Variants in FXN observed in about 807,000 individuals in gnomAD.
The protein encoded by FXN is frataxin.
Under a neutral mutation model 22.4 loss-of-function variants are expected in FXN, and 14 were observed. The observed-to-expected ratio is 0.62, with a 90% CI of 0.41 to 0.98. FXN has a LOEUF of 0.98. FXN is among the 50% of genes least tolerant of loss of function. The pLI is 0.00. For synonymous variants in FXN, 120 were observed against 114.1 expected (o/e 1.05, Z -0.33); for missense variants, 267 against 268.4 (o/e 0.99, Z 0.04).
At chr9:69,042,001 G>C (rs1333828014) in intron 1 of FXN, among the ~76,000 whole-genome samples, 1 of 152,096 alleles carries the variant, frequency 6.6e-6, no homozygotes, top group Non-Finnish European at 1.5e-5. Context: ...CCAGCACTTT[G>C]GGAGGCCAAG....
rs150667446 is a variant in FXN at position 69,066,167 on chromosome 9, C to T, written c.482+1132C>T. Among the ~76,000 whole-genome samples, 44 of 152,270 alleles carry T rather than the reference C, an allele frequency of 2.9e-4. No individual in the cohort carries two copies. In the East Asian group the frequency reaches 8.3e-3, roughly 29 times the overall value. ...AATGCCCACAAAACGTTCTCAGATC[C>T]AGTCATTCATTAGCACTTCCAAAGA... On this transcript the variant is annotated intron_variant, in intron 4 of 4. Transcript: ENST00000484259.
At chr9:69,042,147 A>C (rs1831668500) in intron 1 of FXN, among the ~76,000 whole-genome samples, 1 of 151,904 alleles carries the variant, frequency 6.6e-6, no homozygotes, top group Non-Finnish European at 1.5e-5. Context: ...CTGAGGCAGG[A>C]GAATCACTTG....
chr9:69,053,468 C>A (rs1157673142), intron 3 of FXN, among the ~76,000 whole-genome samples: 1 of 105,380 alleles, frequency 9.5e-6, no homozygotes, highest in African/African-American at 3.5e-5. Context: ...GAGACTCTGT[C>A]ATAGATGGAT....
Position 69,078,700 on chromosome 9 carries a change from T to C in FXN, c.*5938T>C. The C allele has an allele frequency of 1.0e-6, 1 of 985,620 alleles. No homozygotes were observed. The highest frequency in any genetic ancestry group is 1.2e-6 in the Non-Finnish European group (1 of 829,974). The allele number at this position is 985,620 out of a possible 1,614,324, so 61.1% of individuals were successfully genotyped here. On this transcript the variant is annotated 3_prime_UTR_variant, in exon 5 of 5. Coordinates refer to ENST00000484259, the MANE Select transcript of FXN (RefSeq NM_000144.5). Reference sequence around the variant, plus strand: ...GTGCTGTGCTATTTTCACGTGGCTCTCAGACTTGGCCAGTGCTGTTTCCAT... The same window carrying C: ...GTGCTGTGCTATTTTCACGTGGCTCCCAGACTTGGCCAGTGCTGTTTCCAT...
intron 1 of FXN, among the ~76,000 whole-genome samples, chr9:69,044,158 A>T (rs993019859): frequency 2.0e-5 from 3 of 152,188 alleles, no homozygotes; most frequent in Non-Finnish European, 2.9e-5. Context: ...TTTCTCCTAT[A>T]AATAATTTGC....
At chr9:69,065,540 C>A (rs377054064) in intron 4 of FXN, among the ~76,000 whole-genome samples, 59 of 140,728 alleles carry the variant, frequency 4.2e-4, no homozygotes, top group African/African-American at 4.2e-4. Context: ...GACCCTGTCC[C>A]AAAAAAAAAA....
chr9:69,053,118 G>A, intron 2 of FXN, 22 bp from the exon 3 acceptor site: 1 of 1,612,512 alleles, frequency 6.2e-7, no homozygotes, highest in Non-Finnish European at 8.5e-7. Context: ...ATCATGTTTT[G>A]GGTTTTGTGC....
intron 3 of FXN, among the ~76,000 whole-genome samples, chr9:69,060,629 A>C (rs907621815): frequency 6.6e-6 from 1 of 152,174 alleles, no homozygotes. Flanking sequence ...TCCTGTCACC[A>C]CTTTCCTTCC....
At chr9:69,038,793 C>A (rs1415118503) in intron 1 of FXN, among the ~76,000 whole-genome samples, 2 of 151,678 alleles carry the variant, frequency 1.3e-5, no homozygotes, top group African/African-American at 4.8e-5. Flanking sequence ...CTGTGACATA[C>A]AAAAAAAATC....
At chr9:69,050,784 CTT>C (rs199872351) in intron 2 of FXN, among the ~76,000 whole-genome samples, 3 of 146,106 alleles carry the variant, frequency 2.1e-5, no homozygotes, top group Non-Finnish European at 3.0e-5. Flanking sequence ...TTGGCCAACT[CTT>C]TTTTTTTTTT....
Position 69,049,253 on chromosome 9 carries a change from A to G in FXN, c.263+2771A>G, listed in dbSNP as rs559181286. Among the ~76,000 whole-genome samples the G allele has an allele frequency of 3.2e-4, 49 of 152,062 alleles. No individual in the cohort carries two copies. In the South Asian group the frequency reaches 9.2e-3, roughly 28 times the overall value. ...GTCGGTTGTGTCCTTACGTTTCTCA[A>G]ATTCTTCAAGACACGTCAACCAGCC... On this transcript the variant is annotated intron_variant, in intron 2 of 4. Transcript: ENST00000484259.
At chr9:69,059,418 T>TTTTTTTG (rs1491555765) in intron 3 of FXN, among the ~76,000 whole-genome samples, 2 of 145,356 alleles carry the variant, frequency 1.4e-5, no homozygotes, top group Non-Finnish European at 3.0e-5. Flanking sequence ...TTTTTTTTTT[T>TTTTTTTG]GAGAGAGATC....
chr9:69,037,521 G>C (rs1465480255), intron 1 of FXN, among the ~76,000 whole-genome samples: 1 of 152,096 alleles, frequency 6.6e-6, no homozygotes, highest in East Asian at 1.9e-4. Flanking sequence ...CAGCATCTCT[G>C]GAAAAATAGG....
chr9:69,043,415 TTTG>T (rs879003192), intron 1 of FXN: 20 of 152,268 alleles, frequency 1.3e-4, no homozygotes, highest in East Asian at 1.9e-4. Flanking sequence ...GATCAATTAA[TTTG>T]TTGTTGTTGT....
rs1042134737 is a variant in FXN, at chr9:69,079,013, CAAAT to C, written c.*6256_*6259del. 14 of 871,348 alleles carry C rather than the reference CAAAT, an allele frequency of 1.6e-5. No homozygotes were observed. The African/African-American group carries it at 2.2e-4, about 14-fold the overall frequency. 54.0% of individuals were successfully genotyped at this position (871,348 alleles called of 1,614,324 possible). On this transcript the variant is annotated 3_prime_UTR_variant, in exon 5 of 5. Coordinates refer to ENST00000484259, the MANE Select transcript of FXN (RefSeq NM_000144.5). ...CACACAATTAGAGCTCTATAAATGTCAAATAAATGTGTTATAATTATATGTTTAA... is the reference window on the plus strand; with the variant it reads ...CACACAATTAGAGCTCTATAAATGTCAAATGTGTTATAATTATATGTTTAA...
intron 4 of FXN, among the ~76,000 whole-genome samples, chr9:69,070,085 C>T (rs1191741194): frequency 4.0e-5 from 6 of 151,874 alleles, no homozygotes; most frequent in Admixed American, 1.3e-4. Context: ...AAAAATTAGC[C>T]GGGTGTGGTG....
At position 69,076,171 on chromosome 9, in the gene FXN, G is replaced by A. The variant is rs1587834403; in HGVS notation, c.*3409G>A. On this transcript the variant is annotated 3_prime_UTR_variant, in exon 5 of 5. Coordinates refer to ENST00000484259, the MANE Select transcript of FXN (RefSeq NM_000144.5). ...TGAATCACAAATTTAGAATTTAATC[G>A]AAACTCTGCCTCTTACTTGTTTGTA... The A allele has an allele frequency of 2.0e-6, 2 of 984,422 alleles. No individual in the cohort carries two copies. Among genetic ancestry groups the A allele is most frequent in the East Asian group, 1.1e-4 (1 of 8,792 alleles). 61.0% of individuals were successfully genotyped at this position (984,422 alleles called of 1,614,324 possible). A position where few individuals can be genotyped will look rare whatever the true frequency, so the allele number is the denominator to read the frequency against.
At chr9:69,066,858 C>CA (rs71500343) in intron 4 of FXN, among the ~76,000 whole-genome samples, 1,924 of 144,846 alleles carry the variant, frequency 0.013, 39 homozygotes, top group African/African-American at 0.042. Context: ...CTATCTTCCT[C>CA]AAAAAAAAAA....
chr9:69,078,516 G>A lies in FXN; in HGVS notation c.*5754G>A. ...CTTTCAGAAAGGCAATCTCTTGTCTGTAAAACCTAAGCAGGACCAAGGCCA... is the reference window on the plus strand; with the variant it reads ...CTTTCAGAAAGGCAATCTCTTGTCTATAAAACCTAAGCAGGACCAAGGCCA... On this transcript the variant is annotated 3_prime_UTR_variant, in exon 5 of 5. Coordinates refer to ENST00000484259, the MANE Select transcript of FXN (RefSeq NM_000144.5). The A allele has an allele frequency of 1.0e-6, 1 of 982,182 alleles. No homozygotes were observed. The highest frequency in any genetic ancestry group is 1.2e-6 in the Non-Finnish European group (1 of 828,854). The allele number at this position is 982,182 out of a possible 1,614,324, so 60.8% of individuals were successfully genotyped here. A position where few individuals can be genotyped will look rare whatever the true frequency, so the allele number is the denominator to read the frequency against.
Sources: allele counts gnomAD v4.1 joint callset (sites outside exome capture counted in the v4.1 genomes callset), GRCh38; gene constraint gnomAD v4.1.1; transcripts MANE v1.5; gene names NCBI Gene and HGNC (gene_info 2026-07-23, HGNC 2026-07-21).